The following DOK6 variants were observed in gnomAD, a reference collection of about 807,000 sequenced individuals.
DOK6 encodes the protein docking protein 6, also known as downstream of tyrosine kinase 6.
Under a neutral mutation model 44.0 loss-of-function variants are expected in DOK6, and 22 were observed. That is an observed-to-expected ratio of 0.50 (90% CI 0.36 to 0.71). The LOEUF is 0.71. Ranked by LOEUF, DOK6 falls within the 30% of genes least tolerant of loss-of-function variation. The pLI is 0.00. For missense variants in DOK6, 340 were observed against 416.4 expected (o/e 0.82, Z 1.60); for synonymous variants, 166 against 145.5 (o/e 1.14, Z -1.01).
intron 1 of DOK6, among the ~76,000 whole-genome samples, chr18:69,528,252 G>T (rs1981892133): frequency 6.6e-6 from 1 of 150,802 alleles, no homozygotes; most frequent in Non-Finnish European, 1.5e-5. Flanking sequence ...TCTCTAGAAA[G>T]AATGTTCTTT....
At chr18:69,626,031 A>C (rs1233888272) in intron 3 of DOK6, among the ~76,000 whole-genome samples, 1 of 152,194 alleles carries the variant, frequency 6.6e-6, no homozygotes, top group Non-Finnish European at 1.5e-5. Flanking sequence ...TCCAAGATGC[A>C]TCTGACACCC....
chr18:69,776,012 T>C (rs1312565685), intron 7 of DOK6, among the ~76,000 whole-genome samples: 19 of 151,988 alleles, frequency 1.3e-4, no homozygotes, highest in Admixed American at 1.2e-3. Context: ...ATGGAACCTA[T>C]TGAAACTGCC....
intron 7 of DOK6, among the ~76,000 whole-genome samples, chr18:69,812,735 A>G (rs1273363548): frequency 1.3e-5 from 2 of 152,142 alleles, no homozygotes; most frequent in Non-Finnish European, 2.9e-5. Context: ...CTGCATGGCT[A>G]GAGAGGCCTC....
chr18:69,722,342 G>A (rs1170257979), intron 5 of DOK6, among the ~76,000 whole-genome samples: 1 of 152,154 alleles, frequency 6.6e-6, no homozygotes, highest in Non-Finnish European at 1.5e-5. Flanking sequence ...TAGTGTGGGG[G>A]ACATCCTCAT....
At chr18:69,516,564 G>A (rs1477897453) in intron 1 of DOK6, among the ~76,000 whole-genome samples, 1 of 152,070 alleles carries the variant, frequency 6.6e-6, no homozygotes, top group African/African-American at 2.4e-5. Flanking sequence ...TTTATCTAAA[G>A]GCAAAGAGAT....
At chr18:69,581,121 G>A (rs755675506) in intron 2 of DOK6, among the ~76,000 whole-genome samples, 9 of 152,122 alleles carry the variant, frequency 5.9e-5, no homozygotes, top group South Asian at 2.1e-4. Flanking sequence ...CCTGGGAACC[G>A]CTCTTTCTTA....
chr18:69,824,508 C>T (rs62090532), intron 7 of DOK6, among the ~76,000 whole-genome samples: 17,538 of 151,762 alleles, frequency 0.12, 1,062 homozygotes, highest in East Asian at 0.17. Context: ...AACCAAGGCA[C>T]GTGCCACCAT....
chr18:69,764,696 G>C (rs1979665120), intron 7 of DOK6, among the ~76,000 whole-genome samples: 1 of 152,156 alleles, frequency 6.6e-6, no homozygotes. Context: ...ATAGCAGCTT[G>C]AGAACAGACT....
intron 4 of DOK6, among the ~76,000 whole-genome samples, chr18:69,679,394 A>G (rs913384918): frequency 1.3e-5 from 2 of 152,200 alleles, no homozygotes; most frequent in Non-Finnish European, 2.9e-5. Context: ...TCATGAACAT[A>G]TATAATAAGT....
intron 4 of DOK6, among the ~76,000 whole-genome samples, chr18:69,695,168 G>A (rs951858303): frequency 6.6e-6 from 1 of 152,216 alleles, no homozygotes; most frequent in African/African-American, 2.4e-5. Context: ...CAAATCAACA[G>A]TTCTCAAAGT....
chr18:69,684,099 G>A (rs17081509), intron 4 of DOK6, among the ~76,000 whole-genome samples: 4,672 of 152,210 alleles, frequency 0.031, 123 homozygotes, highest in African/African-American at 0.069. Flanking sequence ...TGAATGGACC[G>A]TAGCAATTTT....
chr18:69,809,565 G>GACACACACACACACACACAC (rs57753226), intron 7 of DOK6, among the ~76,000 whole-genome samples: 2 of 146,118 alleles, frequency 1.4e-5, no homozygotes, highest in African/African-American at 5.1e-5. Flanking sequence ...CACACACACA[G>GACACACACACACACACACAC]ACACACACAC....
At position 69,477,730 on chromosome 18, in the gene DOK6, C is replaced by T. The variant is rs142915450; in HGVS notation, c.66+76420C>T. Among the ~76,000 whole-genome samples the T allele has an allele frequency of 5.9e-3, 896 of 152,234 alleles. 6 individuals are homozygous for T. The highest frequency in any genetic ancestry group is 0.019 in the African/African-American group (799 of 41,552). On this transcript the variant is annotated intron_variant, in intron 1 of 7. Coordinates refer to ENST00000382713, the MANE Select transcript of DOK6 (RefSeq NM_152721.6). Reference sequence around the variant, plus strand: ...AAGAAAAATTTTTGAACATTGATAACTTTTAAAGTGATTTCCTGCATGATC... The same window carrying T: ...AAGAAAAATTTTTGAACATTGATAATTTTTAAAGTGATTTCCTGCATGATC...
At chr18:69,410,624 G>T (rs1978301888) in intron 1 of DOK6, among the ~76,000 whole-genome samples, 1 of 152,222 alleles carries the variant, frequency 6.6e-6, no homozygotes, top group Non-Finnish European at 1.5e-5. Context: ...CATAAACAAT[G>T]TAACGAACGT....
rs1473955764 is a variant in DOK6 at position 69,842,179 on chromosome 18, T to C, written c.*796T>C. On this transcript the variant is annotated 3_prime_UTR_variant, in exon 8 of 8. Coordinates refer to ENST00000382713, the MANE Select transcript of DOK6 (RefSeq NM_152721.6). Reference sequence around the variant, plus strand: ...AAAAAAGGCTTCTTATTAGCAAAAGTATATGTAATCCAGTCTGTTCCTAAC... The same window carrying C: ...AAAAAAGGCTTCTTATTAGCAAAAGCATATGTAATCCAGTCTGTTCCTAAC... 1 of 148,328 alleles carries C rather than the reference T, an allele frequency of 6.7e-6. No homozygotes were observed. Among genetic ancestry groups the C allele is most frequent in the Non-Finnish European group, 1.5e-5 (1 of 67,458 alleles). 9.2% of individuals were successfully genotyped at this position (148,328 alleles called of 1,614,324 possible). A position where few individuals can be genotyped will look rare whatever the true frequency, so the allele number is the denominator to read the frequency against.
chr18:69,658,814 G>T lies in DOK6; in HGVS notation c.290-18920G>T, dbSNP rs192385691. ...CAAGGAAAAAGATTAATTGGTAACTGGTTTTCCAATAATTCATTCCTCTCA... is the reference window on the plus strand; with the variant it reads ...CAAGGAAAAAGATTAATTGGTAACTTGTTTTCCAATAATTCATTCCTCTCA... On this transcript the variant is annotated intron_variant, in intron 3 of 7. Transcript: ENST00000382713. Among the ~76,000 whole-genome samples the T allele has an allele frequency of 3.6e-3, 547 of 152,218 alleles. 2 individuals carry two copies. Among genetic ancestry groups the T allele is most frequent in the African/African-American group, 0.012 (515 of 41,534 alleles).
chr18:69,520,794 T>C (rs1981663425), intron 1 of DOK6, among the ~76,000 whole-genome samples: 1 of 151,916 alleles, frequency 6.6e-6, no homozygotes, highest in African/African-American at 2.4e-5. Context: ...ATACACAACC[T>C]ATACTAGGTA....
chr18:69,459,099 ACCC>A (rs75585225), intron 1 of DOK6, among the ~76,000 whole-genome samples: 3 of 98,052 alleles, frequency 3.1e-5, no homozygotes, highest in South Asian at 4.0e-4. Context: ...CCCCCCAACA[ACCC>A]CCCCCCCAAA....
chr18:69,481,423 T>A (rs1980417857), intron 1 of DOK6, among the ~76,000 whole-genome samples: 1 of 152,036 alleles, frequency 6.6e-6, no homozygotes, highest in South Asian at 2.1e-4. Flanking sequence ...CCTTCCTGTG[T>A]CCAAGTGTTC....
Sources: gnomAD v4.1 joint callset for allele counts (sites outside exome capture counted in the v4.1 genomes callset) on GRCh38, gnomAD v4.1.1 for gene constraint, MANE v1.5 for transcripts, NCBI Gene and HGNC (gene_info 2026-07-23, HGNC 2026-07-21) for gene names.